LTN1: variants seen among roughly 807,000 people sequenced by gnomAD.
LTN1 encodes E3 ubiquitin-protein ligase listerin.
LTN1 carries 88 observed loss-of-function variants against 201.2 expected under a neutral mutation model. That is an observed-to-expected ratio of 0.44 (90% CI 0.37 to 0.52). The LOEUF is 0.52. Among genes scored for constraint, LTN1 ranks in the 20% least tolerant of loss-of-function variants. The pLI is 0.00. For synonymous variants in LTN1, 645 were observed against 713.5 expected (o/e 0.90, Z 1.53); for missense variants, 1,752 against 2,038.7 (o/e 0.86, Z 2.71).
rs10608923 is a variant in LTN1, at chr21:28,931,066, G to GGTGTGTGTGTGTGTGTGT, written c.5238+71_5238+88dup. The stretch of plus-strand genomic sequence containing the variant: ...CTCTTCCGAAGTTAGACATTGTGTA[G>GGTGTGTGTGTGTGTGTGT]GTGTGTGTGTGTGTGTGTGTGTGTG... On this transcript the variant is annotated intron_variant, in intron 29 of 29. Coordinates refer to ENST00000361371, the MANE Select transcript of LTN1 (RefSeq NM_015565.3). 123 of 578,636 alleles carry GGTGTGTGTGTGTGTGTGT rather than the reference G, an allele frequency of 2.1e-4. No individual in the cohort carries two copies. In the South Asian group the frequency reaches 3.3e-3, roughly 15 times the overall value. The allele number at this position is 578,636 out of a possible 1,614,324, so 35.8% of individuals were successfully genotyped here.
At chr21:28,971,161 G>T in intron 7 of LTN1, 110 bp downstream of exon 7, 1 of 890,870 alleles carries the variant, frequency 1.1e-6, no homozygotes, top group Non-Finnish European at 1.7e-6. Context: ...TAAGATTTAT[G>T]CCAAGTTTAG....
intron 9 of LTN1, among the ~76,000 whole-genome samples, chr21:28,968,552 T>G (rs1601198765): frequency 6.6e-6 from 1 of 152,200 alleles, no homozygotes; most frequent in Non-Finnish European, 1.5e-5. Flanking sequence ...CTTCATGATT[T>G]ATTTAAACTT....
Position 28,969,210 on chromosome 21 carries a change from G to A in LTN1, c.1311+256C>T, listed in dbSNP as rs188452136. On this transcript the variant is annotated intron_variant, in intron 9 of 29. Transcript: ENST00000361371. ...TACTCCAGCCTGGGCAACAAAGAGCGAAACTTTGTCTCAAAAAAAAAAGGG... is the reference window on the plus strand; with the variant it reads ...TACTCCAGCCTGGGCAACAAAGAGCAAAACTTTGTCTCAAAAAAAAAAGGG... Among the ~76,000 whole-genome samples the A allele has an allele frequency of 3.4e-5, 5 of 148,206 alleles. No homozygotes were observed. The East Asian group carries it at 8.0e-4, about 24-fold the overall frequency.
chr21:28,959,573 C>T lies in LTN1; in HGVS notation c.2478G>A (p.Val826=), dbSNP rs1270553020. Residue 826 remains valine (V), a synonymous_variant, in exon 13 of 30, where the codon GTG becomes GTA. Coordinates refer to ENST00000361371, the MANE Select transcript of LTN1 (RefSeq NM_015565.3). ...TCGCTGAGCTGAAATAGTTATAGGC[C>T]ACATCACAGATAAAAGACACTGATG... The part of the protein sequence containing the change: ...SDSSVSFICD[V]AYNYFSSAKG... 3 of 1,613,806 alleles carry T rather than the reference C, an allele frequency of 1.9e-6. No individual in the cohort carries two copies. In the Admixed American group the frequency reaches 5.0e-5, roughly 27 times the overall value.
intron 6 of LTN1, 97 bp from the exon 7 acceptor site, chr21:28,971,541 A>G: frequency 9.9e-7 from 1 of 1,006,280 alleles, no homozygotes; most frequent in South Asian, 1.7e-5. Context: ...TAACCCTCCC[A>G]CTAAGAAAAC....
Position 28,945,863 on chromosome 21 carries a change from G to A in LTN1, c.3712C>T (p.Pro1238Ser). The part of the protein sequence containing the change: ...LSLFLKYCSS[P>S]LAESEWDFIM... ...AAGTCCCACTCACTCTCTGCCAAAGGGGATGAGCAGTATTTCAGAAATAGG... is the reference window on the plus strand; with the variant it reads ...AAGTCCCACTCACTCTCTGCCAAAGAGGATGAGCAGTATTTCAGAAATAGG... The change falls in exon 21 of 30, where the codon CCT (proline) becomes TCT (serine). Residue 1238 changes from proline to serine, a missense_variant. Pro to Ser is a moderately conservative substitution (Grantham distance 74). Coordinates refer to ENST00000361371, the MANE Select transcript of LTN1 (RefSeq NM_015565.3). 17 of 1,613,752 alleles carry A rather than the reference G, an allele frequency of 1.1e-5. No individual in the cohort carries two copies. Among genetic ancestry groups the A allele is most frequent in the Non-Finnish European group, 1.4e-5 (16 of 1,179,800 alleles).
chr21:28,946,216 G>GT lies in LTN1; in HGVS notation c.3558dup (p.His1187ThrfsTer15). On this transcript the variant is annotated frameshift_variant, in exon 20 of 30. Coordinates refer to ENST00000361371, the MANE Select transcript of LTN1 (RefSeq NM_015565.3). LOFTEE classifies it high-confidence loss of function. ...GATATTATGATTTTTAATATTCCAT[G>GT]TAATAGCTCTCCATCATCTATACTT... is the stretch of plus-strand genomic sequence containing the variant. 1 of 1,588,678 alleles carries GT rather than the reference G, an allele frequency of 6.3e-7. No individual in the cohort carries two copies. Among genetic ancestry groups the GT allele is most frequent in the Non-Finnish European group, 8.6e-7 (1 of 1,167,958 alleles).
chr21:28,968,321 G>A (rs932362182), intron 9 of LTN1, among the ~76,000 whole-genome samples: 5 of 152,078 alleles, frequency 3.3e-5, no homozygotes, highest in African/African-American at 1.2e-4. Context: ...GAGACTATAA[G>A]TCAACATGAA....
At position 28,929,444 on chromosome 21, in the gene LTN1, A is replaced by G. The variant is rs1488365273; in HGVS notation, c.*1004T>C. ...ATTATACTGAATTTTACCTAGTGCT[A>G]AAATCCTTAACTTTCATTTCTGAAG... On this transcript the variant is annotated 3_prime_UTR_variant, in exon 30 of 30. Transcript: ENST00000361371. The G allele has an allele frequency of 1.3e-5, 2 of 152,418 alleles. No individual in the cohort carries two copies. Among genetic ancestry groups the G allele is most frequent in the Non-Finnish European group, 2.9e-5 (2 of 67,992 alleles). The allele number at this position is 152,418 out of a possible 1,614,324, so 9.4% of individuals were successfully genotyped here. A position where few individuals can be genotyped will look rare whatever the true frequency, so the allele number is the denominator to read the frequency against.
In LTN1 at chr21:28,930,123, A is replaced by G. The variant is rs1407181265; in HGVS notation, c.*325T>C. On this transcript the variant is annotated 3_prime_UTR_variant, in exon 30 of 30. Transcript: ENST00000361371. ...GGTTTATCAATAATATAGTTGTGCAATCTTTTCACAAATTCCAATTCTGTA... is the reference window on the plus strand; with the variant it reads ...GGTTTATCAATAATATAGTTGTGCAGTCTTTTCACAAATTCCAATTCTGTA... The G allele has an allele frequency of 4.9e-6, 1 of 204,506 alleles. No homozygotes were observed. The highest frequency in any genetic ancestry group is 1.2e-4 in the East Asian group (1 of 8,258). 12.7% of individuals were successfully genotyped at this position (204,506 alleles called of 1,614,324 possible).
intron 4 of LTN1, among the ~76,000 whole-genome samples, chr21:28,984,226 A>G (rs1461124459): frequency 6.6e-6 from 1 of 152,178 alleles, no homozygotes; most frequent in African/African-American, 2.4e-5. Flanking sequence ...TATGATAAAA[A>G]TTGGAAAAAA....
intron 22 of LTN1, 21 bp downstream of exon 22, chr21:28,944,362 A>G (rs1377526354): frequency 1.3e-6 from 2 of 1,570,114 alleles, no homozygotes; most frequent in Admixed American, 1.7e-5. Context: ...CAATCTCACT[A>G]TTATTCCCTT....
rs2084698237 is a variant in LTN1 at position 28,986,311 on chromosome 21, C to G, written c.247-74G>C. On this transcript the variant is annotated intron_variant, in intron 2 of 29. Transcript: ENST00000361371. This position sits in a 1 kb window ranked among gnomAD's most constrained non-coding sequence, Gnocchi z 4.1. Reference sequence around the variant, plus strand: ...GCTATAGATTATTCTGTTCTGGAAGCTTTGTCTATTTTATGTAATAGGAGA... The same window carrying G: ...GCTATAGATTATTCTGTTCTGGAAGGTTTGTCTATTTTATGTAATAGGAGA... The G allele has an allele frequency of 1.1e-6, 1 of 919,830 alleles. No individual in the cohort carries two copies. Among genetic ancestry groups the G allele is most frequent in the Non-Finnish European group, 1.7e-6 (1 of 579,312 alleles). The allele number at this position is 919,830 out of a possible 1,614,324, so 57.0% of individuals were successfully genotyped here. A position where few individuals can be genotyped will look rare whatever the true frequency, so the allele number is the denominator to read the frequency against.
At chr21:28,970,011 C>T (rs1368094063) in intron 8 of LTN1, among the ~76,000 whole-genome samples, 2 of 151,848 alleles carry the variant, frequency 1.3e-5, no homozygotes, top group Non-Finnish European at 2.9e-5. Flanking sequence ...GACCAATCCA[C>T]CTGCAAATTC....
At chr21:28,946,508 G>T (rs1337181323) in intron 19 of LTN1, among the ~76,000 whole-genome samples, 1 of 152,110 alleles carries the variant, frequency 6.6e-6, no homozygotes, top group Non-Finnish European at 1.5e-5. Flanking sequence ...AGAGAATTTG[G>T]GGGAGGAGAA....
chr21:28,943,943 GAA>G lies in LTN1; in HGVS notation c.3983-41_3983-40del, dbSNP rs2084316870. ...GGAAAGAAACATGCACGTCTCAAAAGAAAGTTAGTATAGCTTAAATGATTCAC... is the reference window on the plus strand; with the variant it reads ...GGAAAGAAACATGCACGTCTCAAAAGAGTTAGTATAGCTTAAATGATTCAC... On this transcript the variant is annotated intron_variant, in intron 22 of 29. Coordinates refer to ENST00000361371, the MANE Select transcript of LTN1 (RefSeq NM_015565.3). 2.4e-6 allele frequency: 3 copies of G among 1,268,296 alleles called. No individual in the cohort carries two copies. The East Asian group carries it at 6.9e-5, about 29-fold the overall frequency. 78.6% of individuals were successfully genotyped at this position (1,268,296 alleles called of 1,614,324 possible).
chr21:28,941,557 T>C, intron 24 of LTN1, 151 bp from the exon 25 acceptor site: 1 of 595,496 alleles, frequency 1.7e-6, no homozygotes, highest in Non-Finnish European at 2.9e-6. Context: ...CAATTTTAAC[T>C]CCTAATCTCA....
At chr21:28,992,585 T>A (rs546972609) in intron 1 of LTN1, among the ~76,000 whole-genome samples, 179 bp downstream of exon 1, 1 of 152,194 alleles carries the variant, frequency 6.6e-6, no homozygotes, top group Admixed American at 6.6e-5. Flanking sequence ...GATTCCCCAA[T>A]CTGCTCAGAG....
chr21:28,984,920 A>G lies in LTN1; in HGVS notation c.348T>C (p.Asp116=). 1 of 1,606,506 alleles carries G rather than the reference A, an allele frequency of 6.2e-7. No homozygotes were observed. Residue 116 remains aspartate, a splice_region_variant and synonymous_variant, in exon 4 of 30, where the codon GAT becomes GAC. Transcript: ENST00000361371. ...WPRIFCKISL[D]HDRRVREATQ... ...TGGCTTCTCGGACGCGACGGTCATG[A>G]TCCTATTAAAAATATAAATGTGATT... is the stretch of plus-strand genomic sequence containing the variant.
Sources: allele counts gnomAD v4.1 joint callset (sites outside exome capture counted in the v4.1 genomes callset), GRCh38; gene constraint gnomAD v4.1.1; non-coding constraint Gnocchi (gnomAD v3.1); transcripts MANE v1.5; gene names NCBI Gene and HGNC (gene_info 2026-07-23, HGNC 2026-07-21).